The following LTBP1 variants were observed in gnomAD, a reference collection of about 807,000 sequenced individuals.
LTBP1 encodes latent-transforming growth factor beta-binding protein 1.
In LTBP1, 129 loss-of-function variants were observed where a neutral mutation model predicts 207.6. That is an observed-to-expected ratio of 0.62 (90% CI 0.54 to 0.72). LTBP1 has a LOEUF of 0.72. Among genes scored for constraint, LTBP1 ranks in the 30% least tolerant of loss-of-function variants. LTBP1 has a pLI of 0.00. For missense variants in LTBP1, 2,281 were observed against 2,217.2 expected (o/e 1.03, Z -0.58); for synonymous variants, 963 against 833.7 (o/e 1.16, Z -2.67).
At chr2:32,979,858 G>A (rs1175192546) in intron 2 of LTBP1, among the ~76,000 whole-genome samples, 1 of 152,074 alleles carries the variant, frequency 6.6e-6, no homozygotes, top group East Asian at 1.9e-4. Flanking sequence ...ATATCTGGGT[G>A]CTCCAAAGTT....
intron 9 of LTBP1, 93 bp downstream of exon 9, chr2:33,222,244 G>C: frequency 1.2e-6 from 1 of 856,788 alleles, no homozygotes. Context: ...CATTCGCCCA[G>C]CCTGTCACAG....
chr2:33,116,176 C>G (rs1199877578), intron 4 of LTBP1, among the ~76,000 whole-genome samples: 2 of 152,208 alleles, frequency 1.3e-5, no homozygotes, highest in East Asian at 3.8e-4. Context: ...ATTAGCGAAG[C>G]TCCAATTTAA....
chr2:33,121,159 C>CTTTTTTGTTTTTTT (rs2081085682), intron 4 of LTBP1, among the ~76,000 whole-genome samples: 1 of 87,536 alleles, frequency 1.1e-5, no homozygotes, highest in Non-Finnish European at 2.0e-5. Context: ...TTTGTAAAGT[C>CTTTTTTGTTTTTTT]TTTTTTTTTT....
intron 4 of LTBP1, 32 bp downstream of exon 4, chr2:33,110,783 GT>G (rs1226193412): frequency 3.8e-6 from 6 of 1,597,300 alleles, no homozygotes; most frequent in Non-Finnish European, 5.1e-6. Flanking sequence ...ATTTTCCCAA[GT>G]TATGGTATCA....
chr2:33,086,380 C>G (rs1159508465), intron 3 of LTBP1, among the ~76,000 whole-genome samples: 3 of 152,192 alleles, frequency 2.0e-5, no homozygotes, highest in African/African-American at 7.2e-5. Flanking sequence ...GGTCCTTCAT[C>G]AGAGGTCAGC....
intron 3 of LTBP1, among the ~76,000 whole-genome samples, chr2:33,049,662 T>A (rs2076625655): frequency 6.6e-6 from 1 of 152,202 alleles, no homozygotes; most frequent in Non-Finnish European, 1.5e-5. Flanking sequence ...TCCAAATTTC[T>A]ATTTTTGAGT....
In LTBP1 at chr2:33,246,209, G is replaced by C. The variant is rs144936802; in HGVS notation, c.1999+2425G>C. ...AACCTGGGCTCTTTACCAGTGTTGA[G>C]TGAGAAGATTTATTTCTCTTTCCTC... On this transcript the variant is annotated intron_variant, in intron 10 of 33. Coordinates refer to ENST00000404816, the MANE Select transcript of LTBP1 (RefSeq NM_206943.4). 2.6e-3 allele frequency among the ~76,000 whole-genome samples: 402 copies of C among 152,296 alleles called. 4 individuals carry two copies. The highest frequency in any genetic ancestry group is 9.4e-3 in the African/African-American group (390 of 41,574).
At chr2:33,084,508 G>C (rs1164844853) in intron 3 of LTBP1, among the ~76,000 whole-genome samples, 1 of 152,110 alleles carries the variant, frequency 6.6e-6, no homozygotes, top group African/African-American at 2.4e-5. Flanking sequence ...CTGGGCTTTA[G>C]GGAACTCTGT....
At chr2:33,298,242 A>G (rs1367563142) in intron 20 of LTBP1, among the ~76,000 whole-genome samples, 1 of 152,254 alleles carries the variant, frequency 6.6e-6, no homozygotes, top group Non-Finnish European at 1.5e-5. Flanking sequence ...AGACCCAAAG[A>G]TCACCTTGTG....
chr2:33,382,761 G>A (rs1293678062), intron 31 of LTBP1, among the ~76,000 whole-genome samples: 4 of 152,192 alleles, frequency 2.6e-5, no homozygotes, highest in Admixed American at 6.5e-5. Context: ...GGAGAAACAA[G>A]GACTAGAACC....
At chr2:33,240,805 C>A (rs1427460137) in intron 9 of LTBP1, among the ~76,000 whole-genome samples, 1 of 152,014 alleles carries the variant, frequency 6.6e-6, no homozygotes, top group East Asian at 1.9e-4. Context: ...CACCTGCCAC[C>A]ACGCCTGGCT....
chr2:33,227,963 C>A (rs2091543764), intron 9 of LTBP1, among the ~76,000 whole-genome samples: 1 of 151,854 alleles, frequency 6.6e-6, no homozygotes, highest in Non-Finnish European at 1.5e-5. Context: ...CACCACCATG[C>A]CTGGCTACTT....
At chr2:33,362,245 A>G (rs555843405) in intron 28 of LTBP1, among the ~76,000 whole-genome samples, 31 of 152,244 alleles carry the variant, frequency 2.0e-4, no homozygotes, top group African/African-American at 7.5e-4. Flanking sequence ...TGGGAAACAC[A>G]CTGTAAAATC....
chr2:33,396,162 A>C (rs1204470322), intron 32 of LTBP1, among the ~76,000 whole-genome samples: 5 of 144,650 alleles, frequency 3.5e-5, no homozygotes, highest in Admixed American at 2.1e-4. Context: ...CTTAAAAAAA[A>C]ACTTTTGGTT....
At chr2:33,094,378 C>A (rs2079272895) in intron 3 of LTBP1, among the ~76,000 whole-genome samples, 1 of 152,132 alleles carries the variant, frequency 6.6e-6, no homozygotes, top group Non-Finnish European at 1.5e-5. Context: ...AAGCAGTTGT[C>A]TCTAGACTTG....
rs1220599819 is a variant in LTBP1 at position 33,300,372 on chromosome 2, C to T, written c.3236-79C>T. On this transcript the variant is annotated intron_variant, in intron 20 of 33. Transcript: ENST00000404816. Reference sequence around the variant, plus strand: ...GTACTATTATTTTTGTTACACTAATCCCAGAATGCATTGCAGGGAGCACTG... The same window carrying T: ...GTACTATTATTTTTGTTACACTAATTCCAGAATGCATTGCAGGGAGCACTG... The T allele has an allele frequency of 2.8e-6, 4 of 1,431,356 alleles. No individual in the cohort carries two copies. In the East Asian group the frequency reaches 9.5e-5, roughly 34 times the overall value. The allele number at this position is 1,431,356 out of a possible 1,614,324, so 88.7% of individuals were successfully genotyped here.
chr2:33,036,764 TG>T (rs1222679655), intron 3 of LTBP1, among the ~76,000 whole-genome samples: 14 of 152,214 alleles, frequency 9.2e-5, no homozygotes, highest in Non-Finnish European at 1.5e-4. Context: ...AGCCTCGTGA[TG>T]AACATTTTTC....
chr2:33,288,871 G>GA (rs1171285669), intron 19 of LTBP1, among the ~76,000 whole-genome samples: 1 of 147,876 alleles, frequency 6.8e-6, no homozygotes, highest in East Asian at 2.0e-4. Flanking sequence ...AAAAAAAAAA[G>GA]AAAAAAGAAA....
chr2:33,067,279 A>C (rs76438807), intron 3 of LTBP1, among the ~76,000 whole-genome samples: 9,457 of 152,310 alleles, frequency 0.062, 683 homozygotes, highest in East Asian at 0.34. Flanking sequence ...TAATGAATTC[A>C]ACATAAAACT....
Sources: gnomAD v4.1 joint callset for allele counts (sites outside exome capture counted in the v4.1 genomes callset) on GRCh38, gnomAD v4.1.1 for gene constraint, MANE v1.5 for transcripts, NCBI Gene and HGNC (gene_info 2026-07-23, HGNC 2026-07-21) for gene names.